MGA: variants seen among roughly 807,000 people sequenced by gnomAD.
MGA encodes MAX dimerization protein MGA, also known as MAX gene-associated protein.
Under a neutral mutation model 261.1 loss-of-function variants are expected in MGA, and 40 were observed. That is an observed-to-expected ratio of 0.15 (90% CI 0.12 to 0.20). The LOEUF is 0.20. Among genes scored for constraint, MGA ranks in the 10% least tolerant of loss-of-function variants. MGA has a pLI of 1.00. For synonymous variants in MGA, 1,302 were observed against 1,290.6 expected (o/e 1.01, Z -0.19); for missense variants, 3,397 against 3,630.5 (o/e 0.94, Z 1.65).
At chr15:41,692,065 A>G (rs1360158495) in intron 2 of MGA, among the ~76,000 whole-genome samples, 1 of 152,056 alleles carries the variant, frequency 6.6e-6, no homozygotes, top group Non-Finnish European at 1.5e-5. Flanking sequence ...AGTATGTTAG[A>G]TCATTTTATG....
At chr15:41,747,483 A>AT (rs2151901627) in intron 15 of MGA, among the ~76,000 whole-genome samples, 1 of 151,718 alleles carries the variant, frequency 6.6e-6, no homozygotes, top group Admixed American at 6.6e-5. Context: ...TAATCCCAAC[A>AT]TTTTAGGAGG....
At chr15:41,645,018 G>A (rs567045100) in intron 1 of MGA, among the ~76,000 whole-genome samples, 40 of 152,152 alleles carry the variant, frequency 2.6e-4, no homozygotes, top group Non-Finnish European at 4.9e-4. Flanking sequence ...TAATTGTTTA[G>A]TACTTTTTCA....
rs575997069 is a variant in MGA, at chr15:41,683,510, T to C, written c.1065-12565T>C. 2.0e-3 allele frequency among the ~76,000 whole-genome samples: 306 copies of C among 152,108 alleles called. 2 individuals carry two copies. Among genetic ancestry groups the C allele is most frequent in the Middle Eastern group, 0.014 (4 of 294 alleles). On this transcript the variant is annotated intron_variant, in intron 2 of 23. Coordinates refer to ENST00000219905, the MANE Select transcript of MGA (RefSeq NM_001164273.2). ...GCCTGCCAAGAGCTCTTTTATTTTC[T>C]TCTGTACTCTACATTTCTCTTTTCC...
rs367966611 is a variant in MGA at position 41,767,028 on chromosome 15, G to A, written c.8946G>A (p.Leu2982=). 3 of 1,613,988 alleles carry A rather than the reference G, an allele frequency of 1.9e-6. No individual in the cohort carries two copies. Among genetic ancestry groups the A allele is most frequent in the Non-Finnish European group, 2.5e-6 (3 of 1,179,908 alleles). The change falls in exon 24 of 24, where the codon TTG becomes TTA. Residue 2982 remains leucine, a synonymous_variant. Transcript: ENST00000219905. ...AGAACAGCAACAGCACAGACACTTTGTGGAGGCCTATGCCAAAGTTGGCCC... is the reference window on the plus strand; with the variant it reads ...AGAACAGCAACAGCACAGACACTTTATGGAGGCCTATGCCAAAGTTGGCCC...
Position 41,766,653 on chromosome 15 carries a change from GGAT to G in MGA, c.8573_8575del (p.Asp2858del). 6.2e-7 allele frequency: 1 copy of G among 1,613,984 alleles called. No individual in the cohort carries two copies. The highest frequency in any genetic ancestry group is 8.5e-7 in the Non-Finnish European group (1 of 1,179,892). On this transcript the variant is annotated inframe_deletion, in exon 24 of 24. Coordinates refer to ENST00000219905, the MANE Select transcript of MGA (RefSeq NM_001164273.2). ...GCTCTATGGATACAGAGTTCCCAGG[GGAT>G]GCTCGGCGGGCTTTTATTAGTAAGG...
In MGA at chr15:41,713,284, G is replaced by A. The variant is rs775446234; in HGVS notation, c.3218G>A (p.Arg1073Gln). The change falls in exon 9 of 24, where the codon CGA (arginine) becomes CAA (glutamine). Residue 1073 changes from arginine to glutamine, a missense_variant. Transcript: ENST00000219905. ...AAGCGCCAACCTGCTCACTGCCGCCGACCAGACTGCATGTTTGGTTGTACT... is the reference window on the plus strand; with the variant it reads ...AAGCGCCAACCTGCTCACTGCCGCCAACCAGACTGCATGTTTGGTTGTACT... 9.9e-6 allele frequency: 16 copies of A among 1,613,956 alleles called. No homozygotes were observed. The highest frequency in any genetic ancestry group is 1.3e-5 in the African/African-American group (1 of 75,030).
intron 15 of MGA, among the ~76,000 whole-genome samples, chr15:41,745,505 T>C (rs2062407284): frequency 6.6e-6 from 1 of 151,452 alleles, no homozygotes; most frequent in Admixed American, 6.6e-5. Flanking sequence ...AGATATATCA[T>C]CAAAGACTGT....
In MGA at chr15:41,754,540, C is replaced by A. The variant is rs933034569; in HGVS notation, c.7112C>A (p.Ala2371Glu). The change falls in exon 18 of 24, where the codon GCG becomes GAG. Residue 2371 changes from alanine (A) to glutamate (E), a missense_variant. Coordinates refer to ENST00000219905, the MANE Select transcript of MGA (RefSeq NM_001164273.2). ...AATGTTGCTCACCTGAAGACCACAGCGGCCCACACACAGTCATTCAAACAG... is the reference window on the plus strand; with the variant it reads ...AATGTTGCTCACCTGAAGACCACAGAGGCCCACACACAGTCATTCAAACAG... The A allele has an allele frequency of 1.3e-6, 2 of 1,587,930 alleles. No individual in the cohort carries two copies. Among genetic ancestry groups the A allele is most frequent in the Non-Finnish European group, 1.7e-6 (2 of 1,166,330 alleles).
intron 1 of MGA, among the ~76,000 whole-genome samples, chr15:41,655,096 G>C (rs1432932427): frequency 6.6e-6 from 1 of 151,904 alleles, no homozygotes; most frequent in African/African-American, 2.4e-5. Context: ...ATCCTCAGAT[G>C]CTCAAGTCTC....
chr15:41,683,640 G>A lies in MGA; in HGVS notation c.1065-12435G>A, dbSNP rs575832960. ...GTCACCCAGGCTGGAGTGCAGTGGC[G>A]CGATCTTGGCTCACTGCAGCCTTGA... is the stretch of plus-strand genomic sequence containing the variant. On this transcript the variant is annotated intron_variant, in intron 2 of 23. Coordinates refer to ENST00000219905, the MANE Select transcript of MGA (RefSeq NM_001164273.2). Among the ~76,000 whole-genome samples the A allele has an allele frequency of 1.2e-4, 18 of 148,752 alleles. No individual in the cohort carries two copies. The South Asian group carries it at 2.8e-3, about 23-fold the overall frequency.
In MGA at chr15:41,736,594, T is replaced by C. The variant is rs1345164763; in HGVS notation, c.4330T>C (p.Leu1444=). 5 of 1,613,794 alleles carry C rather than the reference T, an allele frequency of 3.1e-6. No individual in the cohort carries two copies. The highest frequency in any genetic ancestry group is 4.2e-6 in the Non-Finnish European group (5 of 1,179,900). ...TGCCCTGGATTCAGTGAGGGAGAGA[T>C]TACATGGAGGCAAAGGTCTGCCTTT... Residue 1444 remains leucine (L), a synonymous_variant, in exon 13 of 24, where the codon TTA becomes CTA. Coordinates refer to ENST00000219905, the MANE Select transcript of MGA (RefSeq NM_001164273.2).
intron 1 of MGA, among the ~76,000 whole-genome samples, chr15:41,663,212 G>A (rs1288044087): frequency 6.6e-6 from 1 of 152,004 alleles, no homozygotes; most frequent in Non-Finnish European, 1.5e-5. Flanking sequence ...TTTTGTGTGT[G>A]TATATGTCTT....
intron 13 of MGA, among the ~76,000 whole-genome samples, chr15:41,738,784 C>T (rs2061933926): frequency 6.6e-6 from 1 of 152,152 alleles, no homozygotes; most frequent in Admixed American, 6.5e-5. Context: ...TTCTGTATAG[C>T]CTGAAAAGTT....
chr15:41,703,712 A>C (rs1286853594), intron 5 of MGA, among the ~76,000 whole-genome samples: 1 of 152,198 alleles, frequency 6.6e-6, no homozygotes, highest in African/African-American at 2.4e-5. Context: ...ACTGCACTCC[A>C]GCCTGGGCAA....
intron 9 of MGA, among the ~76,000 whole-genome samples, chr15:41,719,585 A>G (rs938800958): frequency 6.6e-6 from 1 of 152,096 alleles, no homozygotes; most frequent in Non-Finnish European, 1.5e-5. Context: ...TACCAAAAAT[A>G]CAAAAAATTA....
chr15:41,635,843 G>T (rs1457601366), intron 1 of MGA, among the ~76,000 whole-genome samples: 5 of 152,174 alleles, frequency 3.3e-5, no homozygotes, highest in Non-Finnish European at 5.9e-5. Flanking sequence ...TAGTGATAGG[G>T]TAGCTGTTTT....
At chr15:41,691,675 GCTT>G (rs761499230) in intron 2 of MGA, 1 of 514,164 alleles carries the variant, frequency 1.9e-6, no homozygotes, top group South Asian at 1.5e-5. Flanking sequence ...AATTTTAAAG[GCTT>G]CTTTTGGTAG....
At chr15:41,661,870 A>G (rs2057424277) in intron 1 of MGA, among the ~76,000 whole-genome samples, 1 of 152,172 alleles carries the variant, frequency 6.6e-6, no homozygotes, top group South Asian at 2.1e-4. Context: ...CCAAGGTAAC[A>G]GAACGCGGCT....
chr15:41,663,347 T>G (rs2150859599), intron 1 of MGA, among the ~76,000 whole-genome samples: 1 of 152,320 alleles, frequency 6.6e-6, no homozygotes, highest in South Asian at 2.1e-4. Flanking sequence ...ATTGAAAGTT[T>G]TTGAATGTTA....
Sources: allele counts gnomAD v4.1 joint callset (sites outside exome capture counted in the v4.1 genomes callset), GRCh38; gene constraint gnomAD v4.1.1; transcripts MANE v1.5; gene names NCBI Gene and HGNC (gene_info 2026-07-23, HGNC 2026-07-21).